The following STAM variants were observed in gnomAD, a reference collection of about 807,000 sequenced individuals.
STAM encodes the protein signal transducing adapter molecule 1.
In STAM, 16 loss-of-function variants were observed where a neutral mutation model predicts 63.4. That is an observed-to-expected ratio of 0.25 (90% CI 0.17 to 0.38). The LOEUF is 0.38. STAM is among the 10% of genes least tolerant of loss of function. The pLI is 1.00. For missense variants in STAM, 636 were observed against 657.1 expected, an observed-to-expected ratio of 0.97 and a Z score of 0.35; for synonymous variants, 238 against 223.9, an observed-to-expected ratio of 1.06 and a Z score of -0.56.
chr10:17,676,369 G>T (rs1554824658), intron 2 of STAM, among the ~76,000 whole-genome samples: 1 of 152,176 alleles, frequency 6.6e-6, no homozygotes, highest in African/African-American at 2.4e-5. Context: ...AGTGCAGTTT[G>T]TTGAGATAGG....
At chr10:17,696,890 C>A in intron 8 of STAM, 21 bp downstream of exon 8, 1 of 1,564,458 alleles carries the variant, frequency 6.4e-7, no homozygotes, top group Non-Finnish European at 8.8e-7. Context: ...TCCAGCCTGC[C>A]AATAAATGAT....
chr10:17,679,961 G>T (rs1554825110), intron 2 of STAM, among the ~76,000 whole-genome samples: 2 of 151,550 alleles, frequency 1.3e-5, no homozygotes, highest in African/African-American at 4.8e-5. Flanking sequence ...CTAATAAATT[G>T]AGTCACCTTT....
chr10:17,649,190 G>A (rs181563085), intron 1 of STAM, among the ~76,000 whole-genome samples: 115 of 152,260 alleles, frequency 7.6e-4, no homozygotes, highest in Non-Finnish European at 1.4e-3. Context: ...GATTCCTTGA[G>A]GCCAGGAATT....
At chr10:17,680,238 A>G (rs945470910) in intron 2 of STAM, among the ~76,000 whole-genome samples, 8 of 150,898 alleles carry the variant, frequency 5.3e-5, no homozygotes, top group Admixed American at 6.7e-5. Context: ...AAAATTTACC[A>G]TCTTAATGGT....
chr10:17,693,482 C>A (rs1467734549), intron 6 of STAM, among the ~76,000 whole-genome samples, 170 bp downstream of exon 6: 1 of 152,126 alleles, frequency 6.6e-6, no homozygotes, highest in African/African-American at 2.4e-5. Context: ...TCACATGTAT[C>A]CTTTCAGTCT....
intron 8 of STAM, among the ~76,000 whole-genome samples, chr10:17,698,537 G>A (rs550979041): frequency 6.6e-6 from 1 of 151,994 alleles, no homozygotes; most frequent in South Asian, 2.1e-4. Context: ...AGCCTATGTA[G>A]TGGGGTTGTA....
chr10:17,675,570 A>G (rs2131612532), intron 2 of STAM, among the ~76,000 whole-genome samples: 1 of 152,242 alleles, frequency 6.6e-6, no homozygotes, highest in South Asian at 2.1e-4. Context: ...TGTAGTTTAT[A>G]TAAAGTTTGG....
chr10:17,658,595 C>T (rs1280198882), intron 1 of STAM, among the ~76,000 whole-genome samples: 1 of 152,130 alleles, frequency 6.6e-6, no homozygotes, highest in Non-Finnish European at 1.5e-5. Context: ...ACTGCAACCT[C>T]CACCTCCCGG....
chr10:17,687,758 G>T (rs1835354688), intron 4 of STAM, among the ~76,000 whole-genome samples: 1 of 152,100 alleles, frequency 6.6e-6, no homozygotes. Flanking sequence ...TACAAACCTT[G>T]CTTCGTTGCA....
chr10:17,689,234 T>G (rs1158061751), intron 5 of STAM, among the ~76,000 whole-genome samples: 1 of 152,232 alleles, frequency 6.6e-6, no homozygotes, highest in Non-Finnish European at 1.5e-5. Context: ...TACTACACTG[T>G]CTTTCCCCAG....
At chr10:17,708,697 C>T (rs1303458211) in intron 12 of STAM, 79 bp from the exon 13 acceptor site, 2 of 1,335,792 alleles carry the variant, frequency 1.5e-6, no homozygotes, top group African/African-American at 2.9e-5. Context: ...GTTTTTGTAA[C>T]TGAATACCTC....
intron 2 of STAM, among the ~76,000 whole-genome samples, chr10:17,679,137 T>A (rs541212510): frequency 6.6e-6 from 1 of 152,300 alleles, no homozygotes; most frequent in South Asian, 2.1e-4. Context: ...TTTGAGGAAC[T>A]ACCACACTTT....
At chr10:17,680,189 T>C (rs766912879) in intron 2 of STAM, among the ~76,000 whole-genome samples, 19 of 152,256 alleles carry the variant, frequency 1.2e-4, no homozygotes, top group Non-Finnish European at 2.6e-4. Context: ...GAGATCTTTT[T>C]CCCCAATTCT....
intron 5 of STAM, among the ~76,000 whole-genome samples, chr10:17,688,463 TTTTG>T (rs1239154879): frequency 2.6e-5 from 4 of 152,016 alleles, no homozygotes; most frequent in East Asian, 1.9e-4. Flanking sequence ...TTGGTATAGT[TTTTG>T]TTTGTTTGTT....
intron 2 of STAM, among the ~76,000 whole-genome samples, chr10:17,676,246 T>C (rs1834850734): frequency 6.6e-6 from 1 of 152,234 alleles, no homozygotes; most frequent in Non-Finnish European, 1.5e-5. Context: ...TTAATAGTTA[T>C]GACTTCACCT....
In STAM at chr10:17,704,509, C is replaced by A. The variant is rs1836164671; in HGVS notation, c.991C>A (p.His331Asn). 1.9e-6 allele frequency: 3 copies of A among 1,613,830 alleles called. No individual in the cohort carries two copies. The Admixed American group carries it at 5.0e-5, about 27-fold the overall frequency. The change falls in exon 10 of 14, where the codon CAT becomes AAT. Residue 331 changes from histidine to asparagine, a missense_variant. Physicochemically the swap from His to Asn is moderately conservative, Grantham distance 68. Transcript: ENST00000377524. The stretch of plus-strand genomic sequence containing the variant: ...TCAGCCAGACCTACCAGAGCTGCTT[C>A]ATCTTGAAGGTAAAACTTTTCTATT... The part of the protein sequence containing the change: ...DDQPDLPELL[H>N]LEAMCHQMGP...
intron 4 of STAM, among the ~76,000 whole-genome samples, chr10:17,685,385 C>T (rs1554825947): frequency 6.6e-6 from 1 of 152,168 alleles, no homozygotes; most frequent in Non-Finnish European, 1.5e-5. Context: ...CTGGCTGAAC[C>T]CACAGCTGGA....
At chr10:17,653,357 G>GT (rs1833814046) in intron 1 of STAM, among the ~76,000 whole-genome samples, 1 of 152,198 alleles carries the variant, frequency 6.6e-6, no homozygotes, top group Non-Finnish European at 1.5e-5. Context: ...AGAGTTAAAT[G>GT]TTTGTTTTGG....
At chr10:17,659,227 A>G (rs1834064138) in intron 1 of STAM, among the ~76,000 whole-genome samples, 3 of 152,056 alleles carry the variant, frequency 2.0e-5, no homozygotes, top group Admixed American at 2.0e-4. Context: ...CCTTATAATA[A>G]ATGAAAATAT....
Sources: gnomAD v4.1 joint callset for allele counts (sites outside exome capture counted in the v4.1 genomes callset) on GRCh38, gnomAD v4.1.1 for gene constraint, MANE v1.5 for transcripts, NCBI Gene and HGNC (gene_info 2026-07-23, HGNC 2026-07-21) for gene names.